Variants in TDRD9 observed in about 807,000 individuals in gnomAD.
The protein encoded by TDRD9 is tudor domain containing 9.
In TDRD9, 124 loss-of-function variants were observed where a neutral mutation model predicts 172.6. The ratio of observed to expected loss-of-function variants is 0.72; its 90% confidence interval spans 0.62 to 0.83. TDRD9 has a LOEUF of 0.83. Among genes scored for constraint, TDRD9 ranks in the 40% least tolerant of loss-of-function variants. The pLI, the probability that TDRD9 is intolerant of heterozygous loss-of-function variation, is 0.00. For synonymous variants in TDRD9, 619 were observed against 617.1 expected, an observed-to-expected ratio of 1.00 and a Z score of -0.05; for missense variants, 1,479 against 1,714.1, an observed-to-expected ratio of 0.86 and a Z score of 2.42.
chr14:104,024,222 G>A (rs2035046913), intron 24 of TDRD9, among the ~76,000 whole-genome samples: 1 of 152,172 alleles, frequency 6.6e-6, no homozygotes, highest in Non-Finnish European at 1.5e-5. Context: ...AAACACTGCA[G>A]ATAATTCTAA....
chr14:103,929,197 C>T (rs1349093590), intron 1 of TDRD9, among the ~76,000 whole-genome samples: 1 of 152,086 alleles, frequency 6.6e-6, no homozygotes, highest in Non-Finnish European at 1.5e-5. Flanking sequence ...TAACGTCACG[C>T]ATTACAGAGT....
intron 9 of TDRD9, among the ~76,000 whole-genome samples, chr14:103,991,805 A>C (rs1431001228): frequency 6.9e-6 from 1 of 144,922 alleles, no homozygotes; most frequent in South Asian, 2.2e-4. Context: ...TTGCCCAGGC[A>C]GGGGTACAGT....
intron 34 of TDRD9, among the ~76,000 whole-genome samples, chr14:104,049,114 GTA>G (rs780622560): frequency 0.073 from 9,188 of 125,666 alleles, 363 homozygotes; most frequent in East Asian, 0.12. Flanking sequence ...ATGTATGTAT[GTA>G]TGTATGTGTG....
Position 103,956,487 on chromosome 14 carries a change from C to G in TDRD9, c.322+717C>G, listed in dbSNP as rs963770115. On this transcript the variant is annotated intron_variant, in intron 2 of 35. Coordinates refer to ENST00000409874, the MANE Select transcript of TDRD9 (RefSeq NM_153046.3). ...CCTTTAAGAAATATAGTGGCGAATA[C>G]AAAAATTAGCCGAGCATGGTGGTGC... Among the ~76,000 whole-genome samples, 6 of 151,850 alleles carry G rather than the reference C, an allele frequency of 4.0e-5. No individual in the cohort carries two copies. The East Asian group carries it at 1.2e-3, about 30-fold the overall frequency.
chr14:104,051,734 C>T (rs2035940306), intron 35 of TDRD9, among the ~76,000 whole-genome samples: 1 of 152,152 alleles, frequency 6.6e-6, no homozygotes, highest in East Asian at 1.9e-4. Flanking sequence ...ATGTTTTTGG[C>T]CCTTCAGTGT....
chr14:103,966,730 A>G lies in TDRD9; in HGVS notation c.664A>G (p.Thr222Ala). The G allele has an allele frequency of 6.5e-7, 1 of 1,549,640 alleles. No homozygotes were observed. The highest frequency in any genetic ancestry group is 8.7e-7 in the Non-Finnish European group (1 of 1,145,916). ...TTAGGTAGGGCTAGAGAAAATAGCA[A>G]CAGAGGACACCAGGCTAATTTATAT... is the stretch of plus-strand genomic sequence containing the variant. The part of the protein sequence containing the change: ...GYQVGLEKIA[T>A]EDTRLIYMTT... The change falls in exon 5 of 36, where the codon ACA becomes GCA. Residue 222 changes from threonine (T) to alanine (A), a missense_variant. Physicochemically the swap from Thr to Ala is moderately conservative, Grantham distance 58. Transcript: ENST00000409874.
At chr14:103,943,284 C>T (rs2031351466) in intron 1 of TDRD9, among the ~76,000 whole-genome samples, 1 of 151,674 alleles carries the variant, frequency 6.6e-6, no homozygotes, top group Non-Finnish European at 1.5e-5. Flanking sequence ...GTGCATGCCA[C>T]CACAGGTGCA....
chr14:103,962,155 T>G (rs1478532380), intron 2 of TDRD9, among the ~76,000 whole-genome samples: 1 of 152,226 alleles, frequency 6.6e-6, no homozygotes, highest in Non-Finnish European at 1.5e-5. Context: ...GTCAGAGCTC[T>G]GTGTCATGTA....
Position 103,955,759 on chromosome 14 carries a change from C to T in TDRD9, c.311C>T (p.Thr104Ile), listed in dbSNP as rs989052353. The T allele has an allele frequency of 6.4e-7, 1 of 1,550,896 alleles. No individual in the cohort carries two copies. Among genetic ancestry groups the T allele is most frequent in the Non-Finnish European group, 8.7e-7 (1 of 1,146,670 alleles). The stretch of plus-strand genomic sequence containing the variant: ...GATGTGTGTCGCAGTGTCCAACCAA[C>T]CAGTGGGCCAGGTAAACAGGTCTCT... ...ELDVCRSVQPTSGPGPRPSLA... is the reference protein window; with the variant it reads ...ELDVCRSVQPISGPGPRPSLA... Residue 104 changes from threonine to isoleucine, a missense_variant, in exon 2 of 36, where the codon ACC (threonine) becomes ATC (isoleucine). Physicochemically the swap from Thr to Ile is moderately conservative, Grantham distance 89. Coordinates refer to ENST00000409874, the MANE Select transcript of TDRD9 (RefSeq NM_153046.3).
intron 32 of TDRD9, among the ~76,000 whole-genome samples, chr14:104,035,495 G>A (rs1168227658): frequency 1.3e-5 from 2 of 152,220 alleles, no homozygotes; most frequent in Non-Finnish European, 2.9e-5. Context: ...TGTAGCTCTT[G>A]TTAATGCCAC....
chr14:103,980,337 A>G lies in TDRD9; in HGVS notation c.1011+4784A>G, dbSNP rs527628676. ...GGGTAAGGAGTGTGAGCCATCTCCA[A>G]TGATAGGTAAGGTCATGTGGGTCAC... is the stretch of plus-strand genomic sequence containing the variant. On this transcript the variant is annotated intron_variant, in intron 7 of 35. Coordinates refer to ENST00000409874, the MANE Select transcript of TDRD9 (RefSeq NM_153046.3). This position sits in a 1 kb window ranked among gnomAD's most constrained non-coding sequence, Gnocchi z 4.5. Among the ~76,000 whole-genome samples the G allele has an allele frequency of 3.9e-5, 6 of 152,210 alleles. No individual in the cohort carries two copies. Among genetic ancestry groups the G allele is most frequent in the Middle Eastern group, 3.4e-3 (1 of 294 alleles).
In TDRD9 at chr14:104,040,284, G is replaced by C; in HGVS notation, c.3805G>C (p.Asp1269His). 1.3e-6 allele frequency: 2 copies of C among 1,551,600 alleles called. No homozygotes were observed. The highest frequency in any genetic ancestry group is 1.7e-6 in the Non-Finnish European group (2 of 1,146,838). Reference sequence around the variant, plus strand: ...AGGGGCTTCCATACTGCCCGAGCACGACATGGAGCTTGCGTTTGACGTTCA... The same window carrying C: ...AGGGGCTTCCATACTGCCCGAGCACCACATGGAGCTTGCGTTTGACGTTCA... ...ATGASILPEH[D>H]MELAFDVQFS... The change falls in exon 33 of 36, where the codon GAC becomes CAC. Residue 1269 changes from aspartate (D) to histidine (H), a missense_variant. Transcript: ENST00000409874.
chr14:103,963,073 A>G lies in TDRD9; in HGVS notation c.323-6A>G. 6.5e-7 allele frequency: 1 copy of G among 1,528,156 alleles called. No homozygotes were observed. Among genetic ancestry groups the G allele is most frequent in the Non-Finnish European group, 8.8e-7 (1 of 1,134,470 alleles). The allele number at this position is 1,528,156 out of a possible 1,614,324, so 94.7% of individuals were successfully genotyped here. A position where few individuals can be genotyped will look rare whatever the true frequency, so the allele number is the denominator to read the frequency against. On this transcript the variant is annotated splice_polypyrimidine_tract_variant and splice_region_variant and intron_variant, in intron 2 of 35. Transcript: ENST00000409874. The stretch of plus-strand genomic sequence containing the variant: ...CATTGTATTTGTTTGTTTTGCCTTA[A>G]TCCAGGTCCAAGGCCATCTTTGGCT...
In TDRD9 at chr14:104,005,380, A is replaced by T; in HGVS notation, c.1688A>T (p.Glu563Val). The T allele has an allele frequency of 6.2e-7, 1 of 1,613,908 alleles. No homozygotes were observed. The highest frequency in any genetic ancestry group is 1.1e-5 in the South Asian group (1 of 91,068). Residue 563 changes from glutamate to valine, a missense_variant, in exon 15 of 36, where the codon GAG becomes GTG. Glu to Val is a moderately radical substitution (Grantham distance 121). This residue lies in a region of TDRD9 where 1,413 missense variants were observed against 1,649.1 expected (regional missense o/e 0.86). Coordinates refer to ENST00000409874, the MANE Select transcript of TDRD9 (RefSeq NM_153046.3). The part of the protein sequence containing the change: ...ALSPPGLSDI[E>V]RTILLLKEVG... ...TCCCCGCCTGGTCTGAGTGACATTG[A>T]GCGCACCATCCTTCTACTAAAGGAG...
In TDRD9 at chr14:103,965,571, G is replaced by A; in HGVS notation, c.642+17G>A. ...GGCTACCAGGTGAGACTGGGAGGGA[G>A]GGAGGGACTAAGAGAGCCAGCTGTC... On this transcript the variant is annotated intron_variant, in intron 4 of 35. Coordinates refer to ENST00000409874, the MANE Select transcript of TDRD9 (RefSeq NM_153046.3). 1.3e-6 allele frequency: 2 copies of A among 1,518,218 alleles called. No individual in the cohort carries two copies. The highest frequency in any genetic ancestry group is 1.8e-6 in the Non-Finnish European group (2 of 1,118,920). 94.0% of individuals were successfully genotyped at this position (1,518,218 alleles called of 1,614,324 possible).
In TDRD9 at chr14:104,040,269, A is replaced by G; in HGVS notation, c.3790A>G (p.Ile1264Val). The G allele has an allele frequency of 1.3e-6, 2 of 1,551,724 alleles. No individual in the cohort carries two copies. The highest frequency in any genetic ancestry group is 3.9e-5 in the Admixed American group (2 of 50,990). The stretch of plus-strand genomic sequence containing the variant: ...GTGGAATCCAGCTACAGGGGCTTCC[A>G]TACTGCCCGAGCACGACATGGAGCT... The part of the protein sequence containing the change: ...LGWNPATGAS[I>V]LPEHDMELAF... Residue 1264 changes from isoleucine to valine, a missense_variant, in exon 33 of 36, where the codon ATA becomes GTA. By Grantham distance (29) the Ile-to-Val change is conservative (BLOSUM62 3). Coordinates refer to ENST00000409874, the MANE Select transcript of TDRD9 (RefSeq NM_153046.3).
chr14:104,038,380 G>T (rs2035514066), intron 32 of TDRD9, among the ~76,000 whole-genome samples: 1 of 152,206 alleles, frequency 6.6e-6, no homozygotes, highest in South Asian at 2.1e-4. Flanking sequence ...CTAAAAACAA[G>T]CTACCCCAAA....
At chr14:103,967,066 C>G (rs79116071) in intron 5 of TDRD9, among the ~76,000 whole-genome samples, 1 of 152,048 alleles carries the variant, frequency 6.6e-6, no homozygotes, top group Non-Finnish European at 1.5e-5. Flanking sequence ...AACTTTGGTA[C>G]TGGTTCTTAA....
intron 34 of TDRD9, among the ~76,000 whole-genome samples, chr14:104,043,859 T>C (rs193096060): frequency 0.011 from 1,689 of 152,360 alleles, 19 homozygotes; most frequent in Non-Finnish European, 0.019. Flanking sequence ...GGCAGTCTCA[T>C]GCAGGCAGCC....
Sources: allele counts gnomAD v4.1 joint callset (sites outside exome capture counted in the v4.1 genomes callset), GRCh38; gene constraint gnomAD v4.1.1; regional missense constraint gnomAD v4.1.1; non-coding constraint Gnocchi (gnomAD v3.1); transcripts MANE v1.5; gene names NCBI Gene and HGNC (gene_info 2026-07-23, HGNC 2026-07-21).